IQSEC3: variants seen among roughly 807,000 people sequenced by gnomAD.
The protein encoded by IQSEC3 is IQ motif and SEC7 domain-containing protein 3.
IQSEC3 carries 50 observed loss-of-function variants against 105.4 expected under a neutral mutation model. The observed-to-expected ratio is 0.47, with a 90% CI of 0.38 to 0.60. The LOEUF (loss-of-function observed/expected upper bound fraction) is 0.60. IQSEC3 is among the 20% of genes least tolerant of loss of function. The pLI is 0.00. For synonymous variants in IQSEC3, 708 were observed against 746.0 expected, an observed-to-expected ratio of 0.95 and a Z score of 0.83; for missense variants, 1,415 against 1,630.0, an observed-to-expected ratio of 0.87 and a Z score of 2.27.
chr12:144,840 G>A (rs577894881), intron 5 of IQSEC3, among the ~76,000 whole-genome samples: 202 of 152,336 alleles, frequency 1.3e-3, no homozygotes, highest in Non-Finnish European at 2.3e-3. Flanking sequence ...CAAAGGTTTC[G>A]CTTTTGGTTT....
At chr12:166,589 G>A (rs1366343766) in intron 11 of IQSEC3, among the ~76,000 whole-genome samples, 1 of 152,188 alleles carries the variant, frequency 6.6e-6, no homozygotes. Context: ...TAAGCATCAC[G>A]GAGGCGCCAG....
chr12:166,377 C>G (rs2137059849), intron 11 of IQSEC3: 1 of 157,008 alleles, frequency 6.4e-6, no homozygotes, highest in East Asian at 1.9e-4. Flanking sequence ...TTTGAAGAGT[C>G]TAGGCTGCCT....
At chr12:162,944 T>C (rs1488893173) in intron 8 of IQSEC3, among the ~76,000 whole-genome samples, 3 of 152,082 alleles carry the variant, frequency 2.0e-5, no homozygotes, top group Non-Finnish European at 2.9e-5. Flanking sequence ...GCCTGCAAGC[T>C]CTTCTCAATT....
intron 1 of IQSEC3, among the ~76,000 whole-genome samples, chr12:91,895 G>A (rs369943056): frequency 1.5e-4 from 23 of 152,220 alleles, no homozygotes; most frequent in South Asian, 1.5e-3. Context: ...CTCCCATCTC[G>A]CTTGGGAGAT....
chr12:157,503 C>T (rs781831067), intron 6 of IQSEC3, 25 bp from the exon 7 acceptor site: 200 of 1,598,518 alleles, frequency 1.3e-4, no homozygotes, highest in Non-Finnish European at 6.7e-5. Flanking sequence ...GCTCAGCGTC[C>T]GCTCTGCATC....
At chr12:145,367 G>A (rs552987158) in intron 5 of IQSEC3, among the ~76,000 whole-genome samples, 3 of 152,114 alleles carry the variant, frequency 2.0e-5, no homozygotes, top group Non-Finnish European at 4.4e-5. Flanking sequence ...TTGAACTCCC[G>A]GGCCCAAGTG....
chr12:131,515 G>A (rs569620104), intron 3 of IQSEC3, among the ~76,000 whole-genome samples: 1 of 152,306 alleles, frequency 6.6e-6, no homozygotes, highest in African/African-American at 2.4e-5. Context: ...GAGGAAGGAT[G>A]GAGTGCTGGG....
intron 3 of IQSEC3, among the ~76,000 whole-genome samples, chr12:127,852 C>A (rs576169899): frequency 6.6e-5 from 10 of 152,284 alleles, no homozygotes; most frequent in East Asian, 5.8e-4. Context: ...ATGGTAGTTT[C>A]TTTTGCTGTG....
At chr12:123,413 C>G (rs7298212) in intron 2 of IQSEC3, among the ~76,000 whole-genome samples, 87,529 of 151,872 alleles carry the variant, frequency 0.58, 25,674 homozygotes, top group East Asian at 0.69. Flanking sequence ...TGCACTCCAG[C>G]CTGGGTGAGT....
In IQSEC3 at chr12:138,293, C is replaced by A. The variant is rs782652265; in HGVS notation, c.930C>A (p.Gly310=). 1 of 1,613,440 alleles carries A rather than the reference C, an allele frequency of 6.2e-7. No individual in the cohort carries two copies. Among genetic ancestry groups the A allele is most frequent in the East Asian group, 2.2e-5 (1 of 44,850 alleles). ...TTGAAATGCTAGAACATAAGTACGG[C>A]GGTCACCTGGTGTCCCGGCGCGCCG... ...KQIEMLEHKY[G]GHLVSRRAAC... Residue 310 remains glycine, a synonymous_variant, in exon 4 of 14, where the codon GGC becomes GGA. Transcript: ENST00000538872. The surrounding 1 kb of genome is among the most constrained non-coding windows in gnomAD (Gnocchi z 7.1).
intron 2 of IQSEC3, among the ~76,000 whole-genome samples, chr12:115,471 G>A (rs1000617083): frequency 6.6e-6 from 1 of 152,190 alleles, no homozygotes. Flanking sequence ...CACCATAACA[G>A]GGCTCCGCGA....
chr12:163,723 C>G, intron 9 of IQSEC3, 104 bp downstream of exon 9: 1 of 767,144 alleles, frequency 1.3e-6, no homozygotes, highest in Admixed American at 2.2e-5. Flanking sequence ...ACGCCCAGAG[C>G]TTTCAGACAG....
Position 162,054 on chromosome 12 carries a change from G to A in IQSEC3, c.2572G>A (p.Gly858Ser), listed in dbSNP as rs146312743. Residue 858 changes from glycine (G) to serine (S), a missense_variant, in exon 8 of 14, where the codon GGC (glycine) becomes AGC (serine). This residue lies in a region of IQSEC3 where 419 missense variants were observed against 436.2 expected (regional missense o/e 0.96). Transcript: ENST00000538872. ...YVTKVEKSIV[G>S]MKTVLSVPHR... ...CACCAAGGTGGAGAAGTCCATTGTG[G>A]GCATGAAGACAGTGAGTGTCCACAA... 4.3e-5 allele frequency: 70 copies of A among 1,613,676 alleles called. No individual in the cohort carries two copies. In the African/African-American group the frequency reaches 7.2e-4, roughly 17 times the overall value.
chr12:66,973 A>G lies in IQSEC3; in HGVS notation c.91A>G (p.Thr31Ala). ...GCAGAACCAGCAGAGCCTCATCCAC[A>G]CCCAGCGAGAGCGTATCGACGAGCT... is the stretch of plus-strand genomic sequence containing the variant. ...IVQNQQSLIH[T>A]QRERIDELER... Residue 31 changes from threonine (T) to alanine (A), a missense_variant, in exon 1 of 14, where the codon ACC becomes GCC. Physicochemically the swap from Thr to Ala is moderately conservative, Grantham distance 58 (BLOSUM62 0). This residue lies in a region of IQSEC3 where 34 missense variants were observed against 80.3 expected (regional missense o/e 0.42). Transcript: ENST00000538872. 6.5e-7 allele frequency: 1 copy of G among 1,526,822 alleles called. No homozygotes were observed. The highest frequency in any genetic ancestry group is 2.4e-5 in the East Asian group (1 of 40,836). The allele number at this position is 1,526,822 out of a possible 1,614,324, so 94.6% of individuals were successfully genotyped here. A position where few individuals can be genotyped will look rare whatever the true frequency, so the allele number is the denominator to read the frequency against.
At chr12:104,322 T>A (rs1347517665) in intron 2 of IQSEC3, among the ~76,000 whole-genome samples, 1 of 152,182 alleles carries the variant, frequency 6.6e-6, no homozygotes, top group African/African-American at 2.4e-5. Flanking sequence ...GAATTTTTTT[T>A]AAGCGCTCAA....
intron 3 of IQSEC3, among the ~76,000 whole-genome samples, chr12:131,255 G>T (rs1156304441): frequency 6.6e-6 from 1 of 152,202 alleles, no homozygotes; most frequent in African/African-American, 2.4e-5. Context: ...TGCTCTCTTG[G>T]CAGGGGGCGA....
At chr12:107,128 T>C (rs1423170460) in intron 2 of IQSEC3, among the ~76,000 whole-genome samples, 1 of 152,204 alleles carries the variant, frequency 6.6e-6, no homozygotes, top group Admixed American at 6.5e-5. Flanking sequence ...AGGGACACTT[T>C]CCATAATTCC....
rs201111352 is a variant in IQSEC3, at chr12:138,744, C to T, written c.1381C>T (p.Pro461Ser). The change falls in exon 4 of 14, where the codon CCC (proline) becomes TCC (serine). Residue 461 changes from proline (P) to serine (S), a missense_variant. Around this residue, in one of 6 missense-constraint regions of IQSEC3, gnomAD observed 720 missense variants for 633.0 expected, o/e 1.14. Coordinates refer to ENST00000538872, the MANE Select transcript of IQSEC3 (RefSeq NM_001170738.2). The surrounding 1 kb of genome is among the most constrained non-coding windows in gnomAD (Gnocchi z 7.1). ...GGGGCGGGCGCCGGAGAGCGCGGGC[C>T]CCGGGCCCGGGGATGACGCCGCGGA... is the stretch of plus-strand genomic sequence containing the variant. The part of the protein sequence containing the change: ...AEGRAPESAG[P>S]GPGDDAAETP... 723 of 1,528,072 alleles carry T rather than the reference C, an allele frequency of 4.7e-4. 7 individuals carry two copies. In the Admixed American group the frequency reaches 0.014, roughly 29 times the overall value. The allele number at this position is 1,528,072 out of a possible 1,614,324, so 94.7% of individuals were successfully genotyped here.
intron 2 of IQSEC3, among the ~76,000 whole-genome samples, chr12:121,558 T>A (rs1424126238): frequency 6.6e-6 from 1 of 152,170 alleles, no homozygotes; most frequent in African/African-American, 2.4e-5. Context: ...GCCCTTTCGC[T>A]GTTTGCTGCT....
Sources: allele counts gnomAD v4.1 joint callset (sites outside exome capture counted in the v4.1 genomes callset), GRCh38; gene constraint gnomAD v4.1.1; regional missense constraint gnomAD v4.1.1; non-coding constraint Gnocchi (gnomAD v3.1); transcripts MANE v1.5; gene names NCBI Gene and HGNC (gene_info 2026-07-23, HGNC 2026-07-21).